The following SASH1 variants were observed in gnomAD, a reference collection of about 807,000 sequenced individuals.
SASH1 encodes SAM and SH3 domain containing 1.
A neutral mutation model predicts 125.2 loss-of-function variants in SASH1; 44 were observed. The ratio of observed to expected loss-of-function variants is 0.35; its 90% CI spans 0.28 to 0.45. The LOEUF is 0.45. Ranked by LOEUF, SASH1 falls within the 20% of genes least tolerant of loss-of-function variation. The probability of loss-of-function intolerance (pLI) is 1.00; values close to 1 mark genes in which losing one functional copy is unlikely to be tolerated. For missense variants in SASH1, 1,426 were observed against 1,614.5 expected, an observed-to-expected ratio of 0.88 and a Z score of 2.00; for synonymous variants, 639 against 649.1, an observed-to-expected ratio of 0.98 and a Z score of 0.24.
At chr6:148,422,131 C>T (rs929764412) in intron 2 of SASH1, among the ~76,000 whole-genome samples, 1 of 152,190 alleles carries the variant, frequency 6.6e-6, no homozygotes, top group African/African-American at 2.4e-5. Context: ...ATGACTCAGT[C>T]ACTGTGATGG....
intron 1 of SASH1, among the ~76,000 whole-genome samples, chr6:148,357,730 C>T (rs17078272): frequency 0.21 from 32,509 of 151,954 alleles, 3,743 homozygotes; most frequent in South Asian, 0.35. Context: ...AGGCCTACTT[C>T]CACGACATCG....
At chr6:148,262,868 T>C in the SASH1 span, among the ~76,000 whole-genome samples, 3 of 152,190 alleles carry the variant, frequency 2.0e-5, no homozygotes, top group Non-Finnish European at 4.4e-5. Flanking sequence ...AGTAAGACTC[T>C]GTCTCAAAAG....
At position 148,519,581 on chromosome 6, in the gene SASH1, C is replaced by T. The variant is rs757953801; in HGVS notation, c.897C>T (p.Val299=). 6.2e-7 allele frequency: 1 copy of T among 1,614,122 alleles called. No homozygotes were observed. Among genetic ancestry groups the T allele is most frequent in the South Asian group, 1.1e-5 (1 of 91,070 alleles). The change falls in exon 10 of 20, where the codon GTC becomes GTT. Residue 299 remains valine, a synonymous_variant. Coordinates refer to ENST00000367467, the MANE Select transcript of SASH1 (RefSeq NM_015278.5). This position sits in a 1 kb window ranked among gnomAD's most constrained non-coding sequence, Gnocchi z 4.8. Reference sequence around the variant, plus strand: ...AGCACGTGTTTGAGAATTCGCCGGTCCTGGATGAACGGTCCGCCCTCTACT... The same window carrying T: ...AGCACGTGTTTGAGAATTCGCCGGTTCTGGATGAACGGTCCGCCCTCTACT... ...GEEHVFENSP[V]LDERSALYSG... is the part of the protein sequence containing the mutation.
At chr6:148,264,022 G>T in the SASH1 span, among the ~76,000 whole-genome samples, 1 of 152,084 alleles carries the variant, frequency 6.6e-6, no homozygotes, top group African/African-American at 2.4e-5. Context: ...TACAAAACCA[G>T]CAAGCAAAGA....
intron 8 of SASH1, among the ~76,000 whole-genome samples, chr6:148,494,693 C>T (rs1420252785): frequency 1.3e-5 from 2 of 152,170 alleles, no homozygotes; most frequent in Non-Finnish European, 2.9e-5. Context: ...GGCCTTATAA[C>T]ACCACCTTAC....
At chr6:148,360,636 A>ACCCCCCC (rs67278438) in intron 1 of SASH1, among the ~76,000 whole-genome samples, 7 of 127,880 alleles carry the variant, frequency 5.5e-5, no homozygotes, top group African/African-American at 1.4e-4. Context: ...GGCGTGAGCC[A>ACCCCCCC]CCCCCCCGCC....
At chr6:148,454,224 C>G (rs970082459) in intron 4 of SASH1, among the ~76,000 whole-genome samples, 25 of 152,150 alleles carry the variant, frequency 1.6e-4, no homozygotes, top group African/African-American at 5.1e-4. Context: ...GAGGAGGAGA[C>G]CCAGCAGGAA....
At chr6:148,419,764 A>T (rs1469288513) in intron 2 of SASH1, among the ~76,000 whole-genome samples, 1 of 151,868 alleles carries the variant, frequency 6.6e-6, no homozygotes, top group Non-Finnish European at 1.5e-5. Context: ...TGCTAGGGGG[A>T]AATTGGCTTA....
the SASH1 span, among the ~76,000 whole-genome samples, chr6:148,253,467 C>T: frequency 5.1e-3 from 784 of 152,260 alleles, 5 homozygotes; most frequent in African/African-American, 0.018. Flanking sequence ...AAAGAAGATA[C>T]ATGAGTAGAT....
At chr6:148,233,671 G>T in the SASH1 span, among the ~76,000 whole-genome samples, 3 of 144,012 alleles carry the variant, frequency 2.1e-5, no homozygotes, top group Non-Finnish European at 3.0e-5. Flanking sequence ...AAAGAGGGAG[G>T]ATTGCTTGAG....
chr6:148,452,733 G>T (rs1284985410), intron 4 of SASH1, among the ~76,000 whole-genome samples: 1 of 152,114 alleles, frequency 6.6e-6, no homozygotes, highest in African/African-American at 2.4e-5. Flanking sequence ...GTGCAGTGCT[G>T]CCCCTGGTGA....
the SASH1 span, among the ~76,000 whole-genome samples, chr6:148,209,748 C>G: frequency 1.3e-5 from 2 of 152,172 alleles, no homozygotes; most frequent in Non-Finnish European, 2.9e-5. Flanking sequence ...CGTATGCCTC[C>G]CCTCTTTCAA....
At chr6:148,432,369 T>G (rs1050277865) in intron 2 of SASH1, among the ~76,000 whole-genome samples, 1 of 152,224 alleles carries the variant, frequency 6.6e-6, no homozygotes, top group Non-Finnish European at 1.5e-5. Context: ...AGAACACATA[T>G]AATGTAGTTT....
intron 8 of SASH1, among the ~76,000 whole-genome samples, chr6:148,492,088 C>T (rs946730084): frequency 6.6e-6 from 1 of 152,216 alleles, no homozygotes. Flanking sequence ...CCACTGTATA[C>T]TGCCCTGATT....
In SASH1 at chr6:148,499,748, A is replaced by T. The variant is rs192340698; in HGVS notation, c.729+12033A>T. Among the ~76,000 whole-genome samples the T allele has an allele frequency of 3.0e-4, 46 of 152,288 alleles. 1 individual carries two copies. The East Asian group carries it at 8.3e-3, about 27-fold the overall frequency. ...AGATGAAGAGCTGAGTAAATCGGAAAACTTGGGTAATATGAGAAAATTAGG... is the reference window on the plus strand; with the variant it reads ...AGATGAAGAGCTGAGTAAATCGGAATACTTGGGTAATATGAGAAAATTAGG... On this transcript the variant is annotated intron_variant, in intron 8 of 19. Transcript: ENST00000367467.
chr6:148,421,197 G>GAAAGAAAGAA (rs1785079373), intron 2 of SASH1, among the ~76,000 whole-genome samples: 1 of 143,358 alleles, frequency 7.0e-6, no homozygotes, highest in Admixed American at 6.9e-5. Flanking sequence ...AAGAAAGAAA[G>GAAAGAAAGAA]AAAGAAAGAA....
chr6:148,442,855 C>A (rs1298538280), intron 4 of SASH1, among the ~76,000 whole-genome samples: 1 of 151,936 alleles, frequency 6.6e-6, no homozygotes, highest in African/African-American at 2.4e-5. Context: ...CTCACTGCAA[C>A]CTCCACCTCT....
At chr6:148,369,265 G>T (rs1782615254) in intron 1 of SASH1, among the ~76,000 whole-genome samples, 1 of 152,186 alleles carries the variant, frequency 6.6e-6, no homozygotes, top group South Asian at 2.1e-4. Flanking sequence ...TGGAAGCTGG[G>T]TTTGTCATGA....
intron 2 of SASH1, among the ~76,000 whole-genome samples, chr6:148,410,171 C>T (rs531705916): frequency 1.7e-4 from 21 of 121,580 alleles, no homozygotes; most frequent in Admixed American, 3.1e-4. Flanking sequence ...AGTGCAGTGG[C>T]GCGATCTTGG....
Sources: allele counts gnomAD v4.1 joint callset (sites outside exome capture counted in the v4.1 genomes callset), GRCh38; gene constraint gnomAD v4.1.1; non-coding constraint Gnocchi (gnomAD v3.1); transcripts MANE v1.5; gene names NCBI Gene and HGNC (gene_info 2026-07-23, HGNC 2026-07-21).